PFDN1: variants seen among roughly 807,000 people sequenced by gnomAD.
PFDN1 encodes prefoldin subunit 1.
Under a neutral mutation model 17.3 loss-of-function variants are expected in PFDN1, and 6 were observed. The observed-to-expected ratio is 0.35, with a 90% confidence interval of 0.19 to 0.69. The LOEUF is 0.69. Ranked by LOEUF, PFDN1 falls within the 30% of genes least tolerant of loss-of-function variation. The pLI, the probability that PFDN1 is intolerant of heterozygous loss-of-function variation, is 0.65. For synonymous variants in PFDN1, 58 were observed against 50.1 expected (o/e 1.16, Z -0.67); for missense variants, 113 against 146.2 (o/e 0.77, Z 1.17).
chr5:140,249,345 C>T (rs927852112), intron 3 of PFDN1, among the ~76,000 whole-genome samples: 1 of 151,842 alleles, frequency 6.6e-6, no homozygotes, highest in African/African-American at 2.4e-5. Flanking sequence ...AAGTAGAAAA[C>T]CAAGTAGAAA....
intron 3 of PFDN1, among the ~76,000 whole-genome samples, chr5:140,260,796 G>A (rs1166379966): frequency 6.6e-6 from 1 of 150,604 alleles, no homozygotes; most frequent in Non-Finnish European, 1.5e-5. Context: ...TTTATGTTAT[G>A]TGAATTTTAC....
At chr5:140,280,376 T>C (rs1246026353) in intron 3 of PFDN1, among the ~76,000 whole-genome samples, 2 of 152,226 alleles carry the variant, frequency 1.3e-5, no homozygotes, top group Non-Finnish European at 1.5e-5. Context: ...CTGATTAAAA[T>C]GTTAAAATAG....
chr5:140,257,623 T>G (rs908293454), intron 3 of PFDN1, among the ~76,000 whole-genome samples: 2 of 152,252 alleles, frequency 1.3e-5, no homozygotes, highest in African/African-American at 2.4e-5. Context: ...ATTTCTTTAT[T>G]GTCTGTATCT....
Position 140,300,475 on chromosome 5 carries a change from T to C in PFDN1, c.141A>G (p.Thr47=). 7.4e-6 allele frequency: 12 copies of C among 1,611,266 alleles called. No individual in the cohort carries two copies. The highest frequency in any genetic ancestry group is 1.0e-5 in the Non-Finnish European group (12 of 1,177,392). The stretch of plus-strand genomic sequence containing the variant: ...CTACCAAAGTCATGATCTCTGTATC[T>C]GTAAGATGTGCATGCTTTTTCGTTC... ...LNRTKKHAHL[T]DTEIMTLVDE... is the part of the protein sequence containing the mutation. The change falls in exon 2 of 4, where the codon ACA becomes ACG. Residue 47 remains threonine, a synonymous_variant. Transcript: ENST00000261813.
Position 140,303,020 on chromosome 5 carries a change from C to T in PFDN1, c.33+21G>A, listed in dbSNP as rs765909150. On this transcript the variant is annotated intron_variant, in intron 1 of 3. Coordinates refer to ENST00000261813, the MANE Select transcript of PFDN1 (RefSeq NM_002622.5). Reference sequence around the variant, plus strand: ...CAGCCTCCAAAAAGAAGACCTCCGCCTGCCAAAGACCCTCTTTTACCTTCT... The same window carrying T: ...CAGCCTCCAAAAAGAAGACCTCCGCTTGCCAAAGACCCTCTTTTACCTTCT... 5 of 1,587,544 alleles carry T rather than the reference C, an allele frequency of 3.1e-6. No individual in the cohort carries two copies. In the Admixed American group the frequency reaches 8.3e-5, roughly 26 times the overall value.
chr5:140,265,264 G>A (rs1765119465), intron 3 of PFDN1, among the ~76,000 whole-genome samples: 1 of 152,108 alleles, frequency 6.6e-6, no homozygotes, highest in Non-Finnish European at 1.5e-5. Flanking sequence ...GCCTGGCCCT[G>A]TATCAGCAGA....
chr5:140,288,153 C>T (rs1309567777), intron 2 of PFDN1, among the ~76,000 whole-genome samples: 1 of 152,152 alleles, frequency 6.6e-6, no homozygotes, highest in Non-Finnish European at 1.5e-5. Context: ...AACTTGGAAC[C>T]AACCAAAATA....
chr5:140,247,046 G>A (rs1226448316), intron 3 of PFDN1, among the ~76,000 whole-genome samples: 1 of 152,182 alleles, frequency 6.6e-6, no homozygotes, highest in African/African-American at 2.4e-5. Flanking sequence ...TGTTGATTCT[G>A]TTCCACCCAT....
chr5:140,283,857 G>A (rs1294257807), intron 2 of PFDN1, among the ~76,000 whole-genome samples: 1 of 152,136 alleles, frequency 6.6e-6, no homozygotes, highest in East Asian at 1.9e-4. Context: ...ACCAAATTAT[G>A]TCATGACATG....
chr5:140,260,992 T>C (rs1034446805), intron 3 of PFDN1, among the ~76,000 whole-genome samples: 3 of 151,118 alleles, frequency 2.0e-5, no homozygotes, highest in African/African-American at 7.3e-5. Context: ...TGAAACCCCG[T>C]CTCTACTAAA....
chr5:140,270,562 T>A (rs116294202), intron 3 of PFDN1, among the ~76,000 whole-genome samples: 1,972 of 152,226 alleles, frequency 0.013, 43 homozygotes, highest in African/African-American at 0.042. Context: ...ATCAAGGGTA[T>A]ATCAATGTGT....
intron 2 of PFDN1, among the ~76,000 whole-genome samples, chr5:140,289,532 T>G (rs115466840): frequency 1.3e-3 from 203 of 152,234 alleles, no homozygotes; most frequent in African/African-American, 4.7e-3. Context: ...CTCTTTCTTC[T>G]CCAGTGCCCA....
chr5:140,254,997 T>C lies in PFDN1; in HGVS notation c.286-8940A>G, dbSNP rs553507064. Among the ~76,000 whole-genome samples the C allele has an allele frequency of 1.3e-5, 2 of 152,342 alleles. No homozygotes were observed. The highest frequency in any genetic ancestry group is 3.9e-4 in the East Asian group (2 of 5,192). On this transcript the variant is annotated intron_variant, in intron 3 of 3. Transcript: ENST00000261813. The surrounding 1 kb of genome is among the most constrained non-coding windows in gnomAD (Gnocchi z 4.4). ...CATGCCTCACCTGAGTGGCTGAATG[T>C]TGCTGGAGGAAAATGCTAAACTGTG...
At chr5:140,273,144 T>C (rs778895325) in intron 3 of PFDN1, among the ~76,000 whole-genome samples, 29 of 150,078 alleles carry the variant, frequency 1.9e-4, no homozygotes, top group Admixed American at 9.3e-4. Context: ...ACTCAGGAGG[T>C]TGAGGCAGAA....
intron 3 of PFDN1, among the ~76,000 whole-genome samples, chr5:140,264,020 C>CAAAAAAAAAAAAAAAA (rs58605224): frequency 4.0e-4 from 22 of 55,572 alleles, no homozygotes; most frequent in Non-Finnish European, 5.0e-4. Flanking sequence ...GACTCCATCT[C>CAAAAAAAAAAAAAAAA]AAAAAAAAAA....
At chr5:140,296,623 G>A (rs1184211380) in intron 2 of PFDN1, among the ~76,000 whole-genome samples, 4 of 152,196 alleles carry the variant, frequency 2.6e-5, no homozygotes, top group Non-Finnish European at 5.9e-5. Flanking sequence ...ATTCGCCAAA[G>A]ACTGAGCAAA....
At chr5:140,275,225 G>A (rs1052836244) in intron 3 of PFDN1, among the ~76,000 whole-genome samples, 3 of 151,834 alleles carry the variant, frequency 2.0e-5, no homozygotes, top group African/African-American at 7.3e-5. Context: ...TGGCTAACAC[G>A]GTGAAACCCT....
At chr5:140,262,359 C>T (rs1765077300) in intron 3 of PFDN1, among the ~76,000 whole-genome samples, 2 of 152,168 alleles carry the variant, frequency 1.3e-5, no homozygotes. Flanking sequence ...TCTGGAATCC[C>T]AGGTTACCAC....
chr5:140,280,361 T>G (rs748262170), intron 3 of PFDN1, among the ~76,000 whole-genome samples: 4 of 152,210 alleles, frequency 2.6e-5, no homozygotes, highest in Non-Finnish European at 4.4e-5. Context: ...CTTAGAACAG[T>G]TGAGCTGATT....
Sources: gnomAD v4.1 joint callset for allele counts (sites outside exome capture counted in the v4.1 genomes callset) on GRCh38, gnomAD v4.1.1 for gene constraint, Gnocchi (gnomAD v3.1) non-coding constraint, MANE v1.5 for transcripts, NCBI Gene and HGNC (gene_info 2026-07-23, HGNC 2026-07-21) for gene names.